Variants in PAPPA observed in about 807,000 individuals in gnomAD.
The protein encoded by PAPPA is pappalysin-1.
In PAPPA, 60 loss-of-function variants were observed where a neutral mutation model predicts 164.0. That is an observed-to-expected ratio of 0.37 (90% confidence interval 0.30 to 0.45). PAPPA has a LOEUF of 0.45. Among genes scored for constraint, PAPPA ranks in the 20% least tolerant of loss-of-function variants. The probability of loss-of-function intolerance (pLI) is 1.00; values close to 1 mark genes in which losing one functional copy is unlikely to be tolerated. For missense variants in PAPPA, 1,782 were observed against 2,087.3 expected (o/e 0.85, Z 2.85); for synonymous variants, 875 against 814.1 (o/e 1.07, Z -1.27).
intron 6 of PAPPA, among the ~76,000 whole-genome samples, chr9:116,231,778 T>TTTTTTTTTTTTTTGGTGG (rs1564192736): frequency 6.9e-6 from 1 of 144,094 alleles, no homozygotes; most frequent in African/African-American, 2.6e-5. Context: ...TTTTTTTTTT[T>TTTTTTTTTTTTTTGGTGG]GAGATGGAGT....
chr9:116,165,522 G>A (rs563448503), intron 1 of PAPPA, among the ~76,000 whole-genome samples: 1 of 152,010 alleles, frequency 6.6e-6, no homozygotes, highest in African/African-American at 2.4e-5. Context: ...TTTATTTCTT[G>A]CTGTGACTAT....
At chr9:116,341,773 G>A (rs1489463536) in intron 13 of PAPPA, among the ~76,000 whole-genome samples, 1 of 152,200 alleles carries the variant, frequency 6.6e-6, no homozygotes, top group Non-Finnish European at 1.5e-5. Context: ...AGACGAATCA[G>A]TGGATGATGT....
intron 12 of PAPPA, 58 bp from the exon 13 acceptor site, chr9:116,334,803 G>T (rs1846039340): frequency 7.6e-7 from 1 of 1,322,846 alleles, no homozygotes; most frequent in East Asian, 2.3e-5. Flanking sequence ...GTTGGGGAGG[G>T]CGTGACTGGC....
intron 7 of PAPPA, among the ~76,000 whole-genome samples, chr9:116,240,675 G>C (rs867550577): frequency 9.2e-5 from 14 of 152,248 alleles, no homozygotes; most frequent in Middle Eastern, 3.4e-3. Flanking sequence ...CAATGTAGGT[G>C]GTCCTATCCC....
In PAPPA at chr9:116,331,334, G is replaced by T. The variant is rs1204524959; in HGVS notation, c.3238G>T (p.Ala1080Ser). 1 of 1,612,678 alleles carries T rather than the reference G, an allele frequency of 6.2e-7. No homozygotes were observed. The highest frequency in any genetic ancestry group is 1.1e-5 in the South Asian group (1 of 91,026). ...CATCAGCTACCCATATTCCCAGCTGGCTCAGACCACTTTTTGGCTCCGGGT... is the reference window on the plus strand; with the variant it reads ...CATCAGCTACCCATATTCCCAGCTGTCTCAGACCACTTTTTGGCTCCGGGT... ...CTISYPYSQLAQTTFWLRAYF... is the reference protein window; with the variant it reads ...CTISYPYSQLSQTTFWLRAYF... The change falls in exon 11 of 22, where the codon GCT (alanine) becomes TCT (serine). Residue 1080 changes from alanine (A) to serine (S), a missense_variant. Physicochemically the swap from Ala to Ser is moderately conservative, Grantham distance 99. Around this residue, in one of 2 missense-constraint regions of PAPPA, gnomAD observed 1,324 missense variants for 1,656.9 expected, o/e 0.80. Coordinates refer to ENST00000328252, the MANE Select transcript of PAPPA (RefSeq NM_002581.5).
At chr9:116,282,944 G>C (rs978301834) in intron 9 of PAPPA, among the ~76,000 whole-genome samples, 3 of 152,140 alleles carry the variant, frequency 2.0e-5, no homozygotes, top group Non-Finnish European at 2.9e-5. Flanking sequence ...AAGTACCAAA[G>C]AGATGTTAAC....
intron 2 of PAPPA, among the ~76,000 whole-genome samples, chr9:116,199,177 A>G (rs1564181039): frequency 6.6e-6 from 1 of 152,020 alleles, no homozygotes; most frequent in South Asian, 2.1e-4. Context: ...TCTCCACCCC[A>G]CCCATTACCT....
At chr9:116,181,569 C>T (rs188429412) in intron 1 of PAPPA, among the ~76,000 whole-genome samples, 2 of 152,332 alleles carry the variant, frequency 1.3e-5, no homozygotes, top group African/African-American at 4.8e-5. Context: ...GGGGTTACAT[C>T]TTTAATGTAT....
chr9:116,244,204 T>A (rs541045643), intron 7 of PAPPA, among the ~76,000 whole-genome samples: 126 of 152,250 alleles, frequency 8.3e-4, no homozygotes, highest in Non-Finnish European at 1.3e-3. Flanking sequence ...GCCTTCTCAA[T>A]TTTGAAAGGG....
chr9:116,390,722 C>T (rs888042314), intron 21 of PAPPA, among the ~76,000 whole-genome samples: 2 of 152,052 alleles, frequency 1.3e-5, no homozygotes, highest in African/African-American at 2.4e-5. Context: ...GAATGTAGCC[C>T]TGACTTTTTC....
intron 9 of PAPPA, among the ~76,000 whole-genome samples, chr9:116,275,186 G>A (rs918641724): frequency 6.6e-6 from 1 of 152,170 alleles, no homozygotes; most frequent in Non-Finnish European, 1.5e-5. Context: ...GTTGGTTTTT[G>A]TTGACTGTCA....
At chr9:116,289,136 ATATATATATATATATATATATATAG>A (rs1845384957) in intron 9 of PAPPA, among the ~76,000 whole-genome samples, 1 of 46,266 alleles carries the variant, frequency 2.2e-5, no homozygotes, top group African/African-American at 7.9e-5. Flanking sequence ...ATATATATAT[ATATATATATATATATATATATATAG>A]CATATATATA....
intron 1 of PAPPA, among the ~76,000 whole-genome samples, chr9:116,173,183 C>A (rs1362859522): frequency 6.6e-6 from 1 of 152,142 alleles, no homozygotes; most frequent in Non-Finnish European, 1.5e-5. Context: ...AGCATCTAAA[C>A]CCTATTTATC....
At chr9:116,385,481 A>T (rs1846797704) in intron 21 of PAPPA, among the ~76,000 whole-genome samples, 1 of 152,020 alleles carries the variant, frequency 6.6e-6, no homozygotes, top group African/African-American at 2.4e-5. Context: ...TACCGTATAC[A>T]TATATTTGAA....
At position 116,248,786 on chromosome 9, in the gene PAPPA, A is replaced by AATGC. The variant is rs561880129; in HGVS notation, c.2732+13161_2732+13164dup. Reference sequence around the variant, plus strand: ...GATGGTCAATAAATACAGATAAATAAATGCATGCATGCATGAATAAATGGA... The same window carrying AATGC: ...GATGGTCAATAAATACAGATAAATAAATGCATGCATGCATGCATGAATAAATGGA... On this transcript the variant is annotated intron_variant, in intron 7 of 21. Transcript: ENST00000328252. Among the ~76,000 whole-genome samples the AATGC allele has an allele frequency of 8.5e-5, 13 of 152,324 alleles. No homozygotes were observed. In the South Asian group the frequency reaches 2.7e-3, roughly 32 times the overall value.
At chr9:116,234,245 G>A (rs1844632619) in intron 6 of PAPPA, among the ~76,000 whole-genome samples, 1 of 152,162 alleles carries the variant, frequency 6.6e-6, no homozygotes, top group Admixed American at 6.5e-5. Context: ...TGCAGGCTGA[G>A]ATCAGTGGGG....
rs369010416 is a variant in PAPPA at position 116,220,055 on chromosome 9, C to A, written c.2037C>A (p.Pro679=). 1.2e-6 allele frequency: 2 copies of A among 1,614,162 alleles called. No homozygotes were observed. The highest frequency in any genetic ancestry group is 1.7e-4 in the Middle Eastern group (1 of 6,060). Residue 679 remains proline, a synonymous_variant, in exon 5 of 22, where the codon CCC becomes CCA. Transcript: ENST00000328252. ...AACCAGCGCCTGTTGCCCTCGCCCC[C>A]CAAGTTCTGGGCCACACAACGGACT... ...SRKPAPVALA[P]QVLGHTTDSV... is the part of the protein sequence containing the mutation.
At chr9:116,303,267 C>G (rs1380943108) in intron 10 of PAPPA, among the ~76,000 whole-genome samples, 1 of 152,094 alleles carries the variant, frequency 6.6e-6, no homozygotes, top group Admixed American at 6.5e-5. Context: ...TATTGGAAGT[C>G]CCACTTTTTA....
rs1156442712 is a variant in PAPPA at position 116,216,603 on chromosome 9, TG to T, written c.1919-3331del. Among the ~76,000 whole-genome samples the T allele has an allele frequency of 2.6e-5, 4 of 152,162 alleles. No individual in the cohort carries two copies. The East Asian group carries it at 7.7e-4, about 29-fold the overall frequency. Reference sequence around the variant, plus strand: ...AGGCACTGGGGGGAAAGAAGCCAAGTGGGACTGACTCTAGACATTAGCTAAT... The same window carrying T: ...AGGCACTGGGGGGAAAGAAGCCAAGTGGACTGACTCTAGACATTAGCTAAT... On this transcript the variant is annotated intron_variant, in intron 4 of 21. Coordinates refer to ENST00000328252, the MANE Select transcript of PAPPA (RefSeq NM_002581.5).
Sources: gnomAD v4.1 joint callset for allele counts (sites outside exome capture counted in the v4.1 genomes callset) on GRCh38, gnomAD v4.1.1 for gene constraint, gnomAD v4.1.1 regional missense constraint, MANE v1.5 for transcripts, NCBI Gene and HGNC (gene_info 2026-07-23, HGNC 2026-07-21) for gene names.